ATP2C1: variants seen among roughly 807,000 people sequenced by gnomAD.
The protein encoded by ATP2C1 is calcium-transporting ATPase type 2C member 1.
Under a neutral mutation model 120.5 loss-of-function variants are expected in ATP2C1, and 31 were observed. The observed-to-expected ratio is 0.26, with a 90% CI of 0.19 to 0.35. The LOEUF is 0.35. Ranked by LOEUF, ATP2C1 falls within the 10% of genes least tolerant of loss-of-function variation. The pLI is 1.00. For synonymous variants in ATP2C1, 351 were observed against 358.7 expected, an observed-to-expected ratio of 0.98 and a Z score of 0.24; for missense variants, 731 against 1,107.5, an observed-to-expected ratio of 0.66 and a Z score of 4.83.
rs536474526 is a variant in ATP2C1 at position 131,010,283 on chromosome 3, C to T, written c.2630-5869C>T. Among the ~76,000 whole-genome samples the T allele has an allele frequency of 1.1e-3, 162 of 150,772 alleles. 1 individual carries two copies. The highest frequency in any genetic ancestry group is 1.9e-3 in the Non-Finnish European group (128 of 67,852). On this transcript the variant is annotated intron_variant, in intron 26 of 26. Coordinates refer to the ATP2C1 transcript ENST00000328560. ...TCGGCTCACTGCAAGCTCTGCATCC[C>T]GGGTTCACACCATTCTCCGGCCTCA...
chr3:130,917,728 A>G (rs1576703823), intron 2 of ATP2C1, among the ~76,000 whole-genome samples: 3 of 152,338 alleles, frequency 2.0e-5, no homozygotes, highest in Admixed American at 1.3e-4. Flanking sequence ...TATAGGTACA[A>G]TGTTGTACAG....
intron 1 of ATP2C1, among the ~76,000 whole-genome samples, chr3:130,873,983 G>A (rs2068518412): frequency 6.6e-6 from 1 of 151,828 alleles, no homozygotes; most frequent in Non-Finnish European, 1.5e-5. Flanking sequence ...GGTGGCGGGT[G>A]CCTGTAATCC....
intron 2 of ATP2C1, among the ~76,000 whole-genome samples, chr3:130,895,568 AT>A (rs973980729): frequency 1.3e-5 from 2 of 151,148 alleles, no homozygotes; most frequent in African/African-American, 2.4e-5. Flanking sequence ...GTGCGTGATC[AT>A]TTTTTTTTCT....
At chr3:130,865,163 G>C (rs554872779) in intron 1 of ATP2C1, among the ~76,000 whole-genome samples, 1 of 152,202 alleles carries the variant, frequency 6.6e-6, no homozygotes, top group Non-Finnish European at 1.5e-5. Flanking sequence ...GTGAGACCTG[G>C]AGTCAAAGGA....
chr3:131,009,048 C>T (rs747319366), intron 26 of ATP2C1, among the ~76,000 whole-genome samples: 4 of 152,180 alleles, frequency 2.6e-5, no homozygotes, highest in South Asian at 2.1e-4. Context: ...GCAGTCTGCT[C>T]CTATCTGGTT....
At chr3:131,010,183 CTATCT>C (rs2063264216) in intron 26 of ATP2C1, among the ~76,000 whole-genome samples, 1 of 127,288 alleles carries the variant, frequency 7.9e-6, no homozygotes, top group African/African-American at 2.9e-5. Context: ...TCATCTTTTT[CTATCT>C]TTTTTTTTTT....
Position 130,945,283 on chromosome 3 carries a change from G to A in ATP2C1, c.531+3584G>A, listed in dbSNP as rs544948238. Reference sequence around the variant, plus strand: ...CTTGATGATAACCAATGGATTGGTCGGACAATGACTTTAGATGAAGCAATC... The same window carrying A: ...CTTGATGATAACCAATGGATTGGTCAGACAATGACTTTAGATGAAGCAATC... On this transcript the variant is annotated intron_variant, in intron 8 of 27. Coordinates refer to ENST00000510168, the MANE Select transcript of ATP2C1 (RefSeq NM_001378687.1). Among the ~76,000 whole-genome samples the A allele has an allele frequency of 9.9e-5, 15 of 152,222 alleles. No homozygotes were observed. The South Asian group carries it at 2.7e-3, about 27-fold the overall frequency.
chr3:130,912,743 C>T (rs1424986450), intron 2 of ATP2C1, among the ~76,000 whole-genome samples: 5 of 147,992 alleles, frequency 3.4e-5, no homozygotes, highest in African/African-American at 1.2e-4. Context: ...CCCAGCCATC[C>T]CATTACTGGG....
intron 20 of ATP2C1, among the ~76,000 whole-genome samples, chr3:130,983,633 TG>T (rs1463278974): frequency 6.6e-6 from 1 of 152,244 alleles, no homozygotes; most frequent in Non-Finnish European, 1.5e-5. Context: ...GTAGTTTCAT[TG>T]CCCTGAAAAT....
intron 8 of ATP2C1, among the ~76,000 whole-genome samples, chr3:130,946,134 A>G (rs1398402922): frequency 3.3e-5 from 5 of 152,164 alleles, no homozygotes; most frequent in African/African-American, 4.8e-5. Flanking sequence ...CTTTCAGAGA[A>G]TTACCACTTG....
At chr3:130,993,518 TC>T (rs1371220249) in intron 21 of ATP2C1, among the ~76,000 whole-genome samples, 1 of 152,220 alleles carries the variant, frequency 6.6e-6, no homozygotes, top group Non-Finnish European at 1.5e-5. Context: ...ACTGGATAAT[TC>T]CTTGTTGTGA....
intron 2 of ATP2C1, among the ~76,000 whole-genome samples, chr3:130,909,099 G>A (rs1345836648): frequency 1.3e-5 from 2 of 152,142 alleles, no homozygotes; most frequent in African/African-American, 4.8e-5. Context: ...TCATGCTCTG[G>A]AACTTAAGGT....
At chr3:130,921,825 G>A (rs996066129) in intron 2 of ATP2C1, among the ~76,000 whole-genome samples, 1 of 152,056 alleles carries the variant, frequency 6.6e-6, no homozygotes, top group African/African-American at 2.4e-5. Flanking sequence ...ACTTGATCAT[G>A]GTGTATTACC....
chr3:130,999,370 G>C (rs2062783267), intron 26 of ATP2C1, 148 bp from the exon 27 acceptor site: 2 of 703,318 alleles, frequency 2.8e-6, no homozygotes, highest in Admixed American at 2.5e-5. Context: ...TTCCAAAACA[G>C]TAGTAAAATT....
intron 26 of ATP2C1, among the ~76,000 whole-genome samples, chr3:131,008,575 A>G (rs1307837368): frequency 6.6e-6 from 1 of 152,182 alleles, no homozygotes; most frequent in Non-Finnish European, 1.5e-5. Flanking sequence ...CTGTGGCAGC[A>G]AAGGTGAGCA....
At chr3:130,913,236 T>C (rs1276765853) in intron 2 of ATP2C1, among the ~76,000 whole-genome samples, 1 of 151,204 alleles carries the variant, frequency 6.6e-6, no homozygotes, top group Non-Finnish European at 1.5e-5. Flanking sequence ...CCCTAAAACT[T>C]AAAGTATAAT....
chr3:131,001,424 G>T lies in ATP2C1; in HGVS notation c.*74G>T. 1 of 1,555,868 alleles carries T rather than the reference G, an allele frequency of 6.4e-7. No homozygotes were observed. The highest frequency in any genetic ancestry group is 8.7e-7 in the Non-Finnish European group (1 of 1,152,506). The stretch of plus-strand genomic sequence containing the variant: ...TCATTTAGAAGGGCAAGTTCAAGAG[G>T]ATATGAAGATTTGAGAACTTTTTAA... On this transcript the variant is annotated 3_prime_UTR_variant, in exon 28 of 28. Transcript: ENST00000510168.
intron 4 of ATP2C1, among the ~76,000 whole-genome samples, chr3:130,934,055 C>T (rs1447954720): frequency 1.3e-5 from 2 of 152,158 alleles, no homozygotes; most frequent in East Asian, 3.8e-4. Flanking sequence ...GCTTTCTGAT[C>T]AGGTTGATGC....
At chr3:130,951,688 C>T (rs375662504) in intron 8 of ATP2C1, among the ~76,000 whole-genome samples, 75 of 152,114 alleles carry the variant, frequency 4.9e-4, no homozygotes, top group Admixed American at 1.1e-3. Context: ...TCTTCAGTTG[C>T]GTTAAGGTAA....
Sources: gnomAD v4.1 joint callset for allele counts (sites outside exome capture counted in the v4.1 genomes callset) on GRCh38, gnomAD v4.1.1 for gene constraint, MANE v1.5 for transcripts, NCBI Gene and HGNC (gene_info 2026-07-23, HGNC 2026-07-21) for gene names.